The following MCM10 variants were observed in gnomAD, a reference collection of about 807,000 sequenced individuals.
MCM10 encodes protein MCM10 homolog.
In MCM10, 91 loss-of-function variants were observed where a neutral mutation model predicts 109.9. The ratio of observed to expected loss-of-function variants is 0.83; its 90% CI spans 0.70 to 0.99. MCM10 has a LOEUF of 0.99. Ranked by LOEUF, MCM10 falls within the 50% of genes least tolerant of loss-of-function variation. The pLI is 0.00. For synonymous variants in MCM10, 380 were observed against 387.2 expected (o/e 0.98, Z 0.22); for missense variants, 1,077 against 1,061.2 (o/e 1.01, Z -0.21).
At chr10:13,191,161 T>C in intron 10 of MCM10, 138 bp from the exon 11 acceptor site, 1 of 619,496 alleles carries the variant, frequency 1.6e-6, no homozygotes, top group East Asian at 2.8e-5. Flanking sequence ...GGCCGTAACA[T>C]TAAGAAAGCC....
At chr10:13,194,302 G>T (rs1834387205) in intron 13 of MCM10, among the ~76,000 whole-genome samples, 1 of 152,202 alleles carries the variant, frequency 6.6e-6, no homozygotes, top group South Asian at 2.1e-4. Context: ...GGCAGAGGTG[G>T]CAGCGAGCCG....
intron 6 of MCM10, among the ~76,000 whole-genome samples, chr10:13,177,546 T>C (rs935209714): frequency 3.5e-5 from 5 of 144,768 alleles, no homozygotes; most frequent in Admixed American, 7.0e-5. Flanking sequence ...TATTAACTCA[T>C]TGTTACAGAA....
rs200529025 is a variant in MCM10, at chr10:13,195,172, A to G, written c.1877A>G (p.Lys626Arg). The G allele has an allele frequency of 1.1e-5, 17 of 1,614,126 alleles. No homozygotes were observed. The highest frequency in any genetic ancestry group is 8.0e-5 in the African/African-American group (6 of 75,046). Residue 626 changes from lysine to arginine, a missense_variant, in exon 14 of 20, where the codon AAG (lysine) becomes AGG (arginine). Physicochemically the swap from Lys to Arg is conservative, Grantham distance 26 (BLOSUM62 2). Transcript: ENST00000378714. ...LEGAPATMTPKLGRGVLEGDD... is the reference protein window; with the variant it reads ...LEGAPATMTPRLGRGVLEGDD... ...GGAGCCCCGGCCACAATGACGCCCA[A>G]GCTGGGGCGAGGTGTCTTGGAAGGA...
intron 15 of MCM10, 46 bp from the exon 16 acceptor site, chr10:13,198,643 T>G (rs750312295): frequency 3.8e-6 from 5 of 1,301,884 alleles, no homozygotes; most frequent in Non-Finnish European, 5.6e-6. Context: ...GCACTGGCTT[T>G]CTGAAATTTC....
chr10:13,178,317 G>A (rs1834167354), intron 6 of MCM10, among the ~76,000 whole-genome samples: 1 of 152,222 alleles, frequency 6.6e-6, no homozygotes, highest in Non-Finnish European at 1.5e-5. Flanking sequence ...TCAAACTCCT[G>A]ACCTCAGGTG....
rs12246218 is a variant in MCM10 at position 13,195,752 on chromosome 10, A to G, written c.1974+483A>G. On this transcript the variant is annotated intron_variant, in intron 14 of 19. Coordinates refer to ENST00000378714, the MANE Select transcript of MCM10 (RefSeq NM_018518.5). ...CAGCCTCCCGAGTACCTGGGACTAC[A>G]GGCGCCTACCACCACGCCCGGCTAA... Among the ~76,000 whole-genome samples, 1,435 of 152,000 alleles carry G rather than the reference A, an allele frequency of 9.4e-3. 24 individuals are homozygous for G. The highest frequency in any genetic ancestry group is 0.033 in the African/African-American group (1,377 of 41,436).
rs1324465808 is a variant in MCM10, at chr10:13,171,243, A to G, written c.329A>G (p.Lys110Arg). ...CCTGCTCCTGCCCCCAGGCGAGAGA[A>G]AACGAATGAAGAGTTGCAAGGTGCC... ...VLPAPAPRRE[K>R]TNEELQEELR... Residue 110 changes from lysine to arginine, a missense_variant, in exon 3 of 20, where the codon AAA becomes AGA. Transcript: ENST00000378714. 2.5e-6 allele frequency: 4 copies of G among 1,610,558 alleles called. No homozygotes were observed. The highest frequency in any genetic ancestry group is 2.5e-6 in the Non-Finnish European group (3 of 1,178,538).
chr10:13,163,672 A>C (rs1833956830), intron 1 of MCM10, among the ~76,000 whole-genome samples: 1 of 145,684 alleles, frequency 6.9e-6, no homozygotes, highest in Non-Finnish European at 1.5e-5. Flanking sequence ...CCTAATGTAG[A>C]TCGACCCCAA....
At chr10:13,204,583 T>C (rs1834545044) in intron 18 of MCM10, 1 of 493,320 alleles carries the variant, frequency 2.0e-6, no homozygotes, top group Non-Finnish European at 3.6e-6. Context: ...GCCTGGCCCA[T>C]AAGGGGTCCT....
At chr10:13,205,941 GAGCTGGGT>G (rs1834574383) in intron 18 of MCM10, among the ~76,000 whole-genome samples, 1 of 152,156 alleles carries the variant, frequency 6.6e-6, no homozygotes, top group Non-Finnish European at 1.5e-5. Flanking sequence ...GGCACCTCTG[GAGCTGGGT>G]TAAGGAACCC....
chr10:13,201,514 C>A lies in MCM10; in HGVS notation c.2332C>A (p.Arg778Ser), dbSNP rs149109470. ...GAGAAACATCAGAGAAGTGAAGTGC[C>A]GTGTCGTGACATGCAAGACGGTGGG... ...KMRNIREVKC[R>S]VVTCKTCAYT... The change falls in exon 17 of 20, where the codon CGT (arginine) becomes AGT (serine). Residue 778 changes from arginine to serine, a missense_variant. Transcript: ENST00000378714. The A allele has an allele frequency of 5.7e-5, 92 of 1,610,400 alleles. No individual in the cohort carries two copies. Among genetic ancestry groups the A allele is most frequent in the Non-Finnish European group, 7.3e-5 (86 of 1,178,284 alleles).
At position 13,195,212 on chromosome 10, in the gene MCM10, T is replaced by G; in HGVS notation, c.1917T>G (p.Phe639Leu). Residue 639 changes from phenylalanine to leucine, a missense_variant, in exon 14 of 20, where the codon TTT (phenylalanine) becomes TTG (leucine). Phe to Leu is a conservative substitution (Grantham distance 22). Transcript: ENST00000378714. The part of the protein sequence containing the change: ...RGVLEGDDVL[F>L]YDESPPPRPK... ...TCTTGGAAGGAGATGATGTTCTCTT[T>G]TATGATGAGTCACCACCACCAAGAC... is the stretch of plus-strand genomic sequence containing the variant. The G allele has an allele frequency of 6.2e-7, 1 of 1,612,758 alleles. No individual in the cohort carries two copies. Among genetic ancestry groups the G allele is most frequent in the Non-Finnish European group, 8.5e-7 (1 of 1,179,458 alleles).
At chr10:13,174,052 C>A (rs1157212779) in intron 5 of MCM10, among the ~76,000 whole-genome samples, 1 of 151,754 alleles carries the variant, frequency 6.6e-6, no homozygotes, top group Non-Finnish European at 1.5e-5. Flanking sequence ...GAATACCAGA[C>A]CCCTAACTTT....
intron 14 of MCM10, 97 bp from the exon 15 acceptor site, chr10:13,197,526 C>A: frequency 1.8e-6 from 2 of 1,107,720 alleles, no homozygotes; most frequent in Non-Finnish European, 2.6e-6. Flanking sequence ...AGAGAACAGC[C>A]AGAATTCACT....
chr10:13,172,492 G>C lies in MCM10; in HGVS notation c.454+12G>C. 6.2e-7 allele frequency: 1 copy of C among 1,611,208 alleles called. No individual in the cohort carries two copies. Among genetic ancestry groups the C allele is most frequent in the Non-Finnish European group, 8.5e-7 (1 of 1,177,740 alleles). ...GCAAAAATCCCCTGGTAAGAAGACT[G>C]TCATTCTGGCAATCGTGTGCATTTA... is the stretch of plus-strand genomic sequence containing the variant. On this transcript the variant is annotated intron_variant, in intron 4 of 19. Transcript: ENST00000378714. The surrounding 1 kb of genome is among the most constrained non-coding windows in gnomAD (Gnocchi z 5.2).
intron 14 of MCM10, among the ~76,000 whole-genome samples, chr10:13,196,374 A>G (rs1465744136): frequency 6.6e-6 from 1 of 152,190 alleles, no homozygotes; most frequent in Non-Finnish European, 1.5e-5. Flanking sequence ...CAGCCAAATG[A>G]AGGGCAAAGC....
At chr10:13,171,676 A>G (rs1834075401) in intron 3 of MCM10, among the ~76,000 whole-genome samples, 1 of 152,210 alleles carries the variant, frequency 6.6e-6, no homozygotes, top group African/African-American at 2.4e-5. Context: ...TGTTTAAGCT[A>G]TAGTAAAATT....
At chr10:13,195,370 TAG>T (rs1834403785) in intron 14 of MCM10, 101 bp downstream of exon 14, 3 of 864,000 alleles carry the variant, frequency 3.5e-6, no homozygotes, top group Non-Finnish European at 3.5e-6. Context: ...TCGTGATCAT[TAG>T]AGTCAGTGTA....
At chr10:13,196,286 G>T (rs182783572) in intron 14 of MCM10, among the ~76,000 whole-genome samples, 1 of 152,226 alleles carries the variant, frequency 6.6e-6, no homozygotes, top group Non-Finnish European at 1.5e-5. Flanking sequence ...TGAAGTAGGG[G>T]TAGGGCACCC....
Sources: gnomAD v4.1 joint callset for allele counts (sites outside exome capture counted in the v4.1 genomes callset) on GRCh38, gnomAD v4.1.1 for gene constraint, Gnocchi (gnomAD v3.1) non-coding constraint, MANE v1.5 for transcripts, NCBI Gene and HGNC (gene_info 2026-07-23, HGNC 2026-07-21) for gene names.